GALNT17: variants seen among roughly 807,000 people sequenced by gnomAD.
The protein encoded by GALNT17 is polypeptide N-acetylgalactosaminyltransferase 17, also known as UDP-GalNAc:polypeptide N-acetylgalactosaminyltransferase-like 3.
A neutral mutation model predicts 63.7 loss-of-function variants in GALNT17; 29 were observed. That is an observed-to-expected ratio of 0.46 (90% CI 0.34 to 0.62). The LOEUF (loss-of-function observed/expected upper bound fraction) is 0.62. Among genes scored for constraint, GALNT17 ranks in the 20% least tolerant of loss-of-function variants. The probability of loss-of-function intolerance (pLI) is 0.01; values close to 1 mark genes in which losing one functional copy is unlikely to be tolerated. For synonymous variants in GALNT17, 305 were observed against 318.3 expected (o/e 0.96, Z 0.45); for missense variants, 603 against 799.6 (o/e 0.75, Z 2.97).
chr7:71,449,103 A>ATTTTTTTTTTTTTTTT (rs1583963031), intron 5 of GALNT17, among the ~76,000 whole-genome samples: 3 of 45,616 alleles, frequency 6.6e-5, no homozygotes, highest in Admixed American at 2.6e-4. Flanking sequence ...ACAGCTGCCT[A>ATTTTTTTTTTTTTTTT]TTTTCTTTTT....
chr7:71,204,708 G>A (rs1035842936), intron 1 of GALNT17, among the ~76,000 whole-genome samples: 4 of 151,494 alleles, frequency 2.6e-5, no homozygotes, highest in East Asian at 1.9e-4. Flanking sequence ...TGAAACTACC[G>A]GCATGCACCA....
At chr7:71,435,799 C>T (rs1563091018) in intron 5 of GALNT17, among the ~76,000 whole-genome samples, 1 of 152,082 alleles carries the variant, frequency 6.6e-6, no homozygotes, top group African/African-American at 2.4e-5. Context: ...ACCGGTGGAT[C>T]ATGGGGTCAG....
rs185143283 is a variant in GALNT17 at position 71,476,702 on chromosome 7, G to C, written c.962+55597G>C. Among the ~76,000 whole-genome samples, 14 of 152,232 alleles carry C rather than the reference G, an allele frequency of 9.2e-5. No homozygotes were observed. In the East Asian group the frequency reaches 2.5e-3, roughly 27 times the overall value. ...CAGCGGGGAGTGCTATTGATGTCTA[G>C]TTGGTAGAGAGCAGGACTGCCACTA... On this transcript the variant is annotated intron_variant, in intron 5 of 10. Coordinates refer to ENST00000333538, the MANE Select transcript of GALNT17 (RefSeq NM_022479.3).
intron 6 of GALNT17, among the ~76,000 whole-genome samples, chr7:71,588,820 C>A (rs943856199): frequency 6.6e-6 from 1 of 151,974 alleles, no homozygotes; most frequent in African/African-American, 2.4e-5. Context: ...TCGGTGATTA[C>A]TATTATTGCT....
At chr7:71,191,354 T>TTA (rs11433882) in intron 1 of GALNT17, among the ~76,000 whole-genome samples, 1 of 62,714 alleles carries the variant, frequency 1.6e-5, no homozygotes, top group African/African-American at 1.9e-4. Context: ...TCACTCAGCA[T>TTA]TTTTTTTTTT....
chr7:71,484,290 C>G (rs1165580124), intron 5 of GALNT17, among the ~76,000 whole-genome samples: 1 of 152,118 alleles, frequency 6.6e-6, no homozygotes, highest in African/African-American at 2.4e-5. Context: ...GAGTTCAAGA[C>G]CAGCCTGGGC....
chr7:71,304,147 G>T (rs1212152054), intron 1 of GALNT17, among the ~76,000 whole-genome samples: 2 of 152,196 alleles, frequency 1.3e-5, no homozygotes, highest in Admixed American at 6.5e-5. Flanking sequence ...GGGGAACCAC[G>T]TAGTTGATTT....
At position 71,670,033 on chromosome 7, in the gene GALNT17, GT is replaced by G. The variant is rs750701474; in HGVS notation, c.1329del (p.Cys443Ter). On this transcript the variant is annotated frameshift_variant, in exon 8 of 11. Coordinates refer to ENST00000333538, the MANE Select transcript of GALNT17 (RefSeq NM_022479.3). LOFTEE classifies it high-confidence loss of function. ...ERRALRKSLK[C>X]KNFQWYLDHV... ...AGAGCATTAAGGAAAAGTTTAAAGT[GT>G]AAGAATTTCCAGTGGTACCTGGACC... is the stretch of plus-strand genomic sequence containing the variant. The G allele has an allele frequency of 6.2e-7, 1 of 1,614,164 alleles. No individual in the cohort carries two copies. Among genetic ancestry groups the G allele is most frequent in the Non-Finnish European group, 8.5e-7 (1 of 1,180,022 alleles).
intron 2 of GALNT17, among the ~76,000 whole-genome samples, chr7:71,376,315 A>ATT (rs541338731): frequency 1.4e-4 from 19 of 133,774 alleles, no homozygotes; most frequent in African/African-American, 4.9e-4. Flanking sequence ...GCACAGGAGG[A>ATT]TTTTTTTTTT....
rs1047588445 is a variant in GALNT17, at chr7:71,401,527, C to T, written c.589+13126C>T. Among the ~76,000 whole-genome samples, 7 of 152,256 alleles carry T rather than the reference C, an allele frequency of 4.6e-5. No individual in the cohort carries two copies. The East Asian group carries it at 1.2e-3, about 25-fold the overall frequency. On this transcript the variant is annotated intron_variant, in intron 3 of 10. Coordinates refer to ENST00000333538, the MANE Select transcript of GALNT17 (RefSeq NM_022479.3). Reference sequence around the variant, plus strand: ...GTCCATGGCCTGTTAGGGACTAGGCCGCACAGCAGGAGGTGAGAGGCGGGT... The same window carrying T: ...GTCCATGGCCTGTTAGGGACTAGGCTGCACAGCAGGAGGTGAGAGGCGGGT...
chr7:71,389,888 A>G (rs573798140), intron 3 of GALNT17, among the ~76,000 whole-genome samples: 12 of 152,280 alleles, frequency 7.9e-5, no homozygotes, highest in Admixed American at 6.5e-5. Context: ...TGAAAACTGT[A>G]CAACAGGCAA....
chr7:71,562,593 G>A (rs965663892), intron 5 of GALNT17, among the ~76,000 whole-genome samples: 3 of 152,158 alleles, frequency 2.0e-5, no homozygotes, highest in Non-Finnish European at 4.4e-5. Flanking sequence ...GCACACCTAT[G>A]AGAATCTAAT....
intron 1 of GALNT17, among the ~76,000 whole-genome samples, chr7:71,266,953 AT>A (rs1041502657): frequency 1.3e-5 from 2 of 152,194 alleles, no homozygotes; most frequent in Admixed American, 1.3e-4. Context: ...AAATGCTGTC[AT>A]TTTTTAATGG....
At chr7:71,163,353 G>C (rs1279059216) in intron 1 of GALNT17, among the ~76,000 whole-genome samples, 3 of 152,162 alleles carry the variant, frequency 2.0e-5, no homozygotes, top group Non-Finnish European at 4.4e-5. Flanking sequence ...TTACATGGGG[G>C]AAGAGTAGGG....
intron 5 of GALNT17, among the ~76,000 whole-genome samples, chr7:71,428,534 G>T (rs1786802153): frequency 6.6e-6 from 1 of 152,042 alleles, no homozygotes; most frequent in South Asian, 2.1e-4. Flanking sequence ...CTGCCTCTGG[G>T]TTCAAGCAAT....
intron 3 of GALNT17, 44 bp downstream of exon 3, chr7:71,388,445 G>A (rs1792990145): frequency 6.3e-7 from 1 of 1,579,028 alleles, no homozygotes; most frequent in African/African-American, 1.3e-5. Flanking sequence ...ATGACAGCAG[G>A]GGGAAATGCC....
At chr7:71,540,949 C>A (rs1003349191) in intron 5 of GALNT17, among the ~76,000 whole-genome samples, 2 of 151,988 alleles carry the variant, frequency 1.3e-5, no homozygotes, top group Non-Finnish European at 2.9e-5. Flanking sequence ...GCTAAAGAAA[C>A]GATGGCCAGC....
intron 5 of GALNT17, among the ~76,000 whole-genome samples, chr7:71,511,677 G>A (rs1411816533): frequency 6.6e-6 from 1 of 152,100 alleles, no homozygotes; most frequent in Admixed American, 6.5e-5. Context: ...ACCCTTTCCT[G>A]CCATCTACTG....
intron 5 of GALNT17, among the ~76,000 whole-genome samples, chr7:71,561,022 T>C (rs1789246645): frequency 6.6e-6 from 1 of 152,136 alleles, no homozygotes; most frequent in Non-Finnish European, 1.5e-5. Context: ...GTTTTTGTTT[T>C]TGTTTTTTGA....
Sources: allele counts gnomAD v4.1 joint callset (sites outside exome capture counted in the v4.1 genomes callset), GRCh38; gene constraint gnomAD v4.1.1; transcripts MANE v1.5; gene names NCBI Gene and HGNC (gene_info 2026-07-23, HGNC 2026-07-21).